The following CCDC30 variants were observed in gnomAD, a reference collection of about 807,000 sequenced individuals.
CCDC30 encodes coiled-coil domain containing 30, also known as coiled-coil domain-containing protein 30.
Under a neutral mutation model 100.2 loss-of-function variants are expected in CCDC30, and 70 were observed. The ratio of observed to expected loss-of-function variants is 0.70; its 90% CI spans 0.58 to 0.85. The LOEUF (loss-of-function observed/expected upper bound fraction) is 0.85. Ranked by LOEUF, CCDC30 falls within the 40% of genes least tolerant of loss-of-function variation. The pLI is 0.00. For synonymous variants in CCDC30, 233 were observed against 269.5 expected, an observed-to-expected ratio of 0.86 and a Z score of 1.33; for missense variants, 652 against 771.2, an observed-to-expected ratio of 0.85 and a Z score of 1.83.
intron 10 of CCDC30, chr1:42,594,668 C>T (rs1646250981): frequency 6.6e-6 from 1 of 152,158 alleles, no homozygotes; most frequent in African/African-American, 2.4e-5. Context: ...CCCCTGTATT[C>T]CTGTCTGGGC....
At chr1:42,634,476 G>C (rs1416200296) in intron 11 of CCDC30, among the ~76,000 whole-genome samples, 4 of 152,202 alleles carry the variant, frequency 2.6e-5, no homozygotes, top group African/African-American at 9.6e-5. Flanking sequence ...GGTTTGTTTA[G>C]AGTTATTTGG....
chr1:42,577,002 C>T lies in CCDC30; in HGVS notation c.637-18C>T, dbSNP rs754300242. ...TCCACACTTATTTGTATTACTCTTACTTATTCTCTACCTCTAGATAAAGAT... is the reference window on the plus strand; with the variant it reads ...TCCACACTTATTTGTATTACTCTTATTTATTCTCTACCTCTAGATAAAGAT... On this transcript the variant is annotated intron_variant, in intron 7 of 16. Transcript: ENST00000668663. 3 of 1,563,806 alleles carry T rather than the reference C, an allele frequency of 1.9e-6. No individual in the cohort carries two copies. In the South Asian group the frequency reaches 3.4e-5, roughly 18 times the overall value.
At chr1:42,616,718 T>C in intron 11 of CCDC30, among the ~76,000 whole-genome samples, 1 of 152,216 alleles carries the variant, frequency 6.6e-6, no homozygotes, top group Non-Finnish European at 1.5e-5. Flanking sequence ...AATCTACATG[T>C]TCTTCAGGCA....
At chr1:42,556,067 C>T in intron 6 of CCDC30, 89 bp from the exon 10 acceptor site, 1 of 1,288,160 alleles carries the variant, frequency 7.8e-7, no homozygotes, top group Non-Finnish European at 1.1e-6. Context: ...ATCTTGTTTG[C>T]AACACTGTCT....
intron 6 of CCDC30, among the ~76,000 whole-genome samples, chr1:42,562,986 AT>A (rs554632428): frequency 1.1e-4 from 16 of 152,316 alleles, no homozygotes; most frequent in Non-Finnish European, 2.4e-4. Context: ...AGAAATAGGA[AT>A]GCTTTTACAT....
chr1:42,460,336 ATATCT>A, upstream of CCDC30: 1 of 987,486 alleles, frequency 1.0e-6, no homozygotes. Context: ...ATGAATAAAC[ATATCT>A]TGTTTAGGAA....
chr1:42,556,215 G>C, intron 6 of CCDC30: 1 of 1,614,126 alleles, frequency 6.2e-7, no homozygotes, highest in Non-Finnish European at 8.5e-7. Flanking sequence ...AAGGAGGGCA[G>C]TTTTCCAAGA....
upstream of CCDC30, chr1:42,460,358 G>A: frequency 2.0e-6 from 2 of 986,700 alleles, no homozygotes; most frequent in Non-Finnish European, 2.4e-6. Context: ...GGAAATGGAT[G>A]TATAAAAAAA....
chr1:42,602,303 A>C (rs867683404), intron 10 of CCDC30, among the ~76,000 whole-genome samples: 1 of 152,120 alleles, frequency 6.6e-6, no homozygotes, highest in South Asian at 2.1e-4. Flanking sequence ...ATTTTGAAGA[A>C]ATCAATGAAA....
intron 6 of CCDC30, among the ~76,000 whole-genome samples, chr1:42,525,721 A>C (rs570430265): frequency 3.7e-4 from 57 of 152,320 alleles, no homozygotes; most frequent in African/African-American, 1.3e-3. Flanking sequence ...TACTTGCTGA[A>C]TAGCTTAATT....
At chr1:42,639,366 C>T (rs1287027931) in intron 12 of CCDC30, among the ~76,000 whole-genome samples, 1 of 152,098 alleles carries the variant, frequency 6.6e-6, no homozygotes, top group East Asian at 1.9e-4. Context: ...GAAAGGCATG[C>T]AACACAATCT....
rs555558200 is a variant in CCDC30, at chr1:42,568,722, G to A, written c.636+2247G>A. On this transcript the variant is annotated intron_variant, in intron 7 of 16. Transcript: ENST00000668663. ...TGAGCAGATCACTTAAAGTGCTCAC[G>A]AGTTTGAGACCAGCCTGGCTAACAT... Among the ~76,000 whole-genome samples the A allele has an allele frequency of 4.0e-5, 6 of 150,972 alleles. No homozygotes were observed. The East Asian group carries it at 9.8e-4, about 25-fold the overall frequency.
At chr1:42,459,481 T>G (rs745888456), upstream of CCDC30, 3 of 883,550 alleles carry the variant, frequency 3.4e-6, no homozygotes, top group Non-Finnish European at 5.2e-6. Flanking sequence ...AACTAAACAT[T>G]TAACTGAAAA....
At chr1:42,474,326 G>A (rs1643855637) in intron 1 of CCDC30, among the ~76,000 whole-genome samples, 1 of 152,186 alleles carries the variant, frequency 6.6e-6, no homozygotes, top group Admixed American at 6.5e-5. Context: ...GTAAGATAGA[G>A]ATGTTAATAG....
chr1:42,503,966 C>G lies in CCDC30; in HGVS notation c.456+5050C>G, dbSNP rs1393078207. Among the ~76,000 whole-genome samples the G allele has an allele frequency of 3.3e-5, 5 of 152,330 alleles. No individual in the cohort carries two copies. The South Asian group carries it at 1.0e-3, about 32-fold the overall frequency. ...GTGAAGTGGGAAAGCAGGGGTCTCACAGCCTTCAGAGCTGAGAGCCCCGAA... is the reference window on the plus strand; with the variant it reads ...GTGAAGTGGGAAAGCAGGGGTCTCAGAGCCTTCAGAGCTGAGAGCCCCGAA... On this transcript the variant is annotated intron_variant, in intron 6 of 16. Coordinates refer to ENST00000668663, the Ensembl canonical transcript of CCDC30.
intron 6 of CCDC30, among the ~76,000 whole-genome samples, chr1:42,502,728 A>C (rs535756154): frequency 2.6e-5 from 4 of 152,134 alleles, no homozygotes; most frequent in Non-Finnish European, 5.9e-5. Context: ...GGCAACCACT[A>C]AAGTACTTTC....
chr1:42,565,564 G>C (rs1199142050), intron 6 of CCDC30, among the ~76,000 whole-genome samples: 1 of 152,178 alleles, frequency 6.6e-6, no homozygotes, highest in Non-Finnish European at 1.5e-5. Context: ...GGAGAAAATA[G>C]AACACTTCGA....
At chr1:42,641,261 G>GT (rs1557486528) in intron 12 of CCDC30, among the ~76,000 whole-genome samples, 4 of 146,452 alleles carry the variant, frequency 2.7e-5, no homozygotes, top group African/African-American at 7.6e-5. Flanking sequence ...GTGTGTGTGT[G>GT]GAGACGGGGT....
intron 11 of CCDC30, among the ~76,000 whole-genome samples, chr1:42,615,925 T>G (rs867413389): frequency 2.0e-5 from 3 of 150,484 alleles, no homozygotes; most frequent in Non-Finnish European, 4.4e-5. Context: ...GTTTTTTTGG[T>G]TTTTTTTTTA....
Sources: allele counts gnomAD v4.1 joint callset (sites outside exome capture counted in the v4.1 genomes callset), GRCh38; gene constraint gnomAD v4.1.1; transcripts MANE v1.5; gene names NCBI Gene and HGNC (gene_info 2026-07-23, HGNC 2026-07-21).